The following ZNF469 variants were observed in gnomAD, a reference collection of about 807,000 sequenced individuals.
The protein encoded by ZNF469 is zinc finger protein 469.
ZNF469 carries 1 observed loss-of-function variant against 1.0 expected under a neutral mutation model. The observed-to-expected ratio is 1.00, with a 90% CI of 0.35 to 4.73. ZNF469 has a LOEUF of 4.73. Among genes scored for constraint, ZNF469 ranks in the 30% most tolerant of loss-of-function variants. The pLI is 0.16. For missense variants in ZNF469, 6,100 were observed against 5,356.3 expected, an observed-to-expected ratio of 1.14 and a Z score of -4.33; for synonymous variants, 2,703 against 2,363.4, an observed-to-expected ratio of 1.14 and a Z score of -4.17.
chr16:88,428,328 A>T lies in ZNF469; in HGVS notation c.858A>T (p.Lys286Asn). The stretch of plus-strand genomic sequence containing the variant: ...CGGCACTGCATGGGGCCAGCACAAA[A>T]CCCTTCCCTGCGGATGTGGCTGGGC... ...PFPALHGAST[K>N]PFPADVAGHA... Residue 286 changes from lysine (K) to asparagine (N), a missense_variant, in exon 3 of 3, where the codon AAA (lysine) becomes AAT (asparagine). By Grantham distance (94) the Lys-to-Asn change is moderately conservative (BLOSUM62 0). Transcript: ENST00000565624. The T allele has an allele frequency of 6.5e-7, 1 of 1,549,552 alleles. No individual in the cohort carries two copies. Among genetic ancestry groups the T allele is most frequent in the South Asian group, 1.2e-5 (1 of 84,034 alleles).
chr16:88,418,547 C>T (rs929439636), intron 1 of ZNF469, among the ~76,000 whole-genome samples: 12 of 151,172 alleles, frequency 7.9e-5, no homozygotes, highest in Non-Finnish European at 1.6e-4. Context: ...ATCCCCACCG[C>T]CCCCCCGGCC....
the ZNF469 span, among the ~76,000 whole-genome samples, chr16:88,147,912 C>T: frequency 1.3e-5 from 2 of 152,114 alleles, no homozygotes; most frequent in African/African-American, 2.4e-5. Context: ...AAATCACAGG[C>T]GGCAGTGATT....
At chr16:88,119,580 C>T in the ZNF469 span, among the ~76,000 whole-genome samples, 728 of 152,322 alleles carry the variant, frequency 4.8e-3, 5 homozygotes, top group African/African-American at 0.016. Flanking sequence ...TCCTGGGTCA[C>T]GGGGCCGGCA....
the ZNF469 span, among the ~76,000 whole-genome samples, chr16:88,238,785 T>G: frequency 6.6e-6 from 1 of 152,184 alleles, no homozygotes; most frequent in Non-Finnish European, 1.5e-5. Flanking sequence ...CCTGTGATAA[T>G]CCACCAGAGC....
the ZNF469 span, among the ~76,000 whole-genome samples, chr16:88,155,694 A>G: frequency 6.6e-6 from 1 of 152,328 alleles, no homozygotes; most frequent in Non-Finnish European, 1.5e-5. Flanking sequence ...CAGTTTATGC[A>G]TGAATTTGGT....
intron 1 of ZNF469, among the ~76,000 whole-genome samples, chr16:88,393,899 GC>G (rs1255331702): frequency 3.9e-5 from 6 of 152,234 alleles, no homozygotes; most frequent in Admixed American, 1.3e-4. Context: ...ACCCCAAAGG[GC>G]GAGCCATGCT....
At chr16:88,168,879 T>G in the ZNF469 span, among the ~76,000 whole-genome samples, 1 of 152,186 alleles carries the variant, frequency 6.6e-6, no homozygotes, top group African/African-American at 2.4e-5. This position sits in a 1 kb window ranked among gnomAD's most constrained non-coding sequence, Gnocchi z 4.3. Flanking sequence ...GAGGATCGCT[T>G]GAGCCTAGGA....
the ZNF469 span, among the ~76,000 whole-genome samples, chr16:88,376,500 G>C: frequency 6.6e-6 from 1 of 152,156 alleles, no homozygotes; most frequent in African/African-American, 2.4e-5. Flanking sequence ...GCCTCCTCCG[G>C]GGCCCTCGCT....
the ZNF469 span, among the ~76,000 whole-genome samples, chr16:88,255,784 C>T: frequency 3.3e-5 from 5 of 152,082 alleles, no homozygotes; most frequent in African/African-American, 7.2e-5. Context: ...GGGTTCAGGG[C>T]GAGAGAGCTT....
chr16:88,405,881 C>T (rs890204047), intron 1 of ZNF469, among the ~76,000 whole-genome samples: 2 of 152,262 alleles, frequency 1.3e-5, no homozygotes, highest in African/African-American at 4.8e-5. Flanking sequence ...CAGTTAGCAA[C>T]ACAAGACGGT....
rs116185951 is a variant in ZNF469 at position 88,423,741 on chromosome 16, C to G, written c.-191-1066C>G. On this transcript the variant is annotated intron_variant, in intron 1 of 2. Transcript: ENST00000565624. ...AGCTACAGGCAGGAGGCCTCTGTTC[C>G]TCACCTCATGGCCTCTCCACGGGGC... Among the ~76,000 whole-genome samples, 449 of 152,316 alleles carry G rather than the reference C, an allele frequency of 2.9e-3. 3 individuals carry two copies. Among genetic ancestry groups the G allele is most frequent in the African/African-American group, 0.01 (432 of 41,568 alleles).
the ZNF469 span, among the ~76,000 whole-genome samples, chr16:88,127,942 A>G: frequency 6.6e-6 from 1 of 152,224 alleles, no homozygotes; most frequent in Non-Finnish European, 1.5e-5. Flanking sequence ...ACGCCTCCCC[A>G]GAACCAAGCT....
the ZNF469 span, among the ~76,000 whole-genome samples, chr16:88,355,136 C>T: frequency 6.6e-6 from 1 of 152,186 alleles, no homozygotes; most frequent in Non-Finnish European, 1.5e-5. Context: ...ACCTGCCCAG[C>T]TGCAGACACT....
chr16:88,285,348 C>G, the ZNF469 span, among the ~76,000 whole-genome samples: 1 of 152,262 alleles, frequency 6.6e-6, no homozygotes, highest in African/African-American at 2.4e-5. Context: ...GTCTCTAACC[C>G]TCGGCATCTG....
chr16:88,233,821 G>T, the ZNF469 span, among the ~76,000 whole-genome samples: 2 of 152,376 alleles, frequency 1.3e-5, no homozygotes, highest in East Asian at 3.9e-4. Context: ...CGAGCGCTTT[G>T]GTGAGCGCAG....
At chr16:88,242,848 C>T in the ZNF469 span, among the ~76,000 whole-genome samples, 1 of 152,216 alleles carries the variant, frequency 6.6e-6, no homozygotes, top group Non-Finnish European at 1.5e-5. Flanking sequence ...GGAGCAGCAG[C>T]CTGGAGCACG....
At chr16:88,297,858 G>T in the ZNF469 span, among the ~76,000 whole-genome samples, 1 of 152,166 alleles carries the variant, frequency 6.6e-6, no homozygotes, top group African/African-American at 2.4e-5. Context: ...GACCTCTTTA[G>T]GGTACATTAT....
the ZNF469 span, among the ~76,000 whole-genome samples, chr16:88,282,826 T>G: frequency 3.3e-5 from 5 of 152,210 alleles, no homozygotes; most frequent in South Asian, 4.1e-4. Flanking sequence ...CTATAAAAAC[T>G]CCACCCTCCT....
the ZNF469 span, among the ~76,000 whole-genome samples, chr16:88,373,887 C>A: frequency 0.52 from 78,651 of 151,824 alleles, 22,377 homozygotes; most frequent in Non-Finnish European, 0.65. Context: ...ATCCCAGATA[C>A]TTGGGAGGCT....
Sources: gnomAD v4.1 joint callset for allele counts (sites outside exome capture counted in the v4.1 genomes callset) on GRCh38, gnomAD v4.1.1 for gene constraint, Gnocchi (gnomAD v3.1) non-coding constraint, MANE v1.5 for transcripts, NCBI Gene and HGNC (gene_info 2026-07-23, HGNC 2026-07-21) for gene names.